SGSM2: variants seen among roughly 807,000 people sequenced by gnomAD.
SGSM2 encodes RUN and TBC1 domain containing 1.
A neutral mutation model predicts 126.6 loss-of-function variants in SGSM2; 89 were observed. That is an observed-to-expected ratio of 0.70 (90% confidence interval 0.59 to 0.84). The LOEUF (loss-of-function observed/expected upper bound fraction) is 0.84, where lower values mean the gene tolerates loss of function less well. Among genes scored for constraint, SGSM2 ranks in the 40% least tolerant of loss-of-function variants. The pLI is 0.00. For synonymous variants in SGSM2, 614 were observed against 574.3 expected (o/e 1.07, Z -0.99); for missense variants, 1,404 against 1,416.6 (o/e 0.99, Z 0.14).
intron 21 of SGSM2, 89 bp from the exon 22 acceptor site, chr17:2,377,768 C>A: frequency 1.2e-6 from 1 of 825,940 alleles, no homozygotes; most frequent in Non-Finnish European, 2.1e-6. Flanking sequence ...GGATCGCCTG[C>A]ATCCCTGGGC....
intron 17 of SGSM2, among the ~76,000 whole-genome samples, chr17:2,374,750 T>A (rs2066047630): frequency 6.6e-6 from 1 of 152,236 alleles, no homozygotes; most frequent in Non-Finnish European, 1.5e-5. Context: ...CAGCAGTAGC[T>A]CCTCGCTGGC....
Position 2,379,429 on chromosome 17 carries a change from C to T in SGSM2, c.3068-3C>T, listed in dbSNP as rs1321084686. The T allele has an allele frequency of 3.1e-6, 5 of 1,612,002 alleles. No homozygotes were observed. The South Asian group carries it at 4.4e-5, about 14-fold the overall frequency. On this transcript the variant is annotated splice_region_variant and splice_polypyrimidine_tract_variant and intron_variant, in intron 23 of 23. Coordinates refer to ENST00000268989, the MANE Select transcript of SGSM2 (RefSeq NM_014853.3). ...CTCTACAGCTCTTCACGTTTCCCCC[C>T]AGAACGTGCTGAGCATCACGATGCC...
At chr17:2,368,208 G>A (rs1172549186) in intron 12 of SGSM2, among the ~76,000 whole-genome samples, 1 of 152,154 alleles carries the variant, frequency 6.6e-6, no homozygotes, top group Non-Finnish European at 1.5e-5. Context: ...ATAGCGTAGT[G>A]CCCTCAGCCT....
chr17:2,368,940 T>A (rs2065726252), intron 12 of SGSM2, among the ~76,000 whole-genome samples: 1 of 152,150 alleles, frequency 6.6e-6, no homozygotes, highest in Non-Finnish European at 1.5e-5. Context: ...AAAAAGCCTA[T>A]CCCTGACTAG....
intron 22 of SGSM2, 115 bp from the exon 23 acceptor site, chr17:2,378,909 TCAGCCCCAGCCC>T: frequency 8.6e-7 from 1 of 1,157,080 alleles, no homozygotes; most frequent in Non-Finnish European, 1.2e-6. Flanking sequence ...CCGGCCAGCA[TCAGCCCCAGCCC>T]CAGCCTCAGC....
Position 2,376,730 on chromosome 17 carries a change from C to G in SGSM2, c.2610-3C>G. ...CCACAGTGACTCTCCCCCTGCCTTT[C>G]AGCTACGTGTGGGAGCACCTGGACG... On this transcript the variant is annotated splice_polypyrimidine_tract_variant and splice_region_variant and intron_variant, in intron 19 of 23. Coordinates refer to ENST00000268989, the MANE Select transcript of SGSM2 (RefSeq NM_014853.3). 6.2e-7 allele frequency: 1 copy of G among 1,613,954 alleles called. No individual in the cohort carries two copies. The highest frequency in any genetic ancestry group is 8.5e-7 in the Non-Finnish European group (1 of 1,180,002).
rs142116147 is a variant in SGSM2 at position 2,373,460 on chromosome 17, A to G, written c.2047A>G (p.Ile683Val). The change falls in exon 17 of 24, where the codon ATC (isoleucine) becomes GTC (valine). Residue 683 changes from isoleucine (I) to valine (V), a missense_variant. By Grantham distance (29) the Ile-to-Val change is conservative. Coordinates refer to ENST00000268989, the MANE Select transcript of SGSM2 (RefSeq NM_014853.3). ...TRTKFSSGSSIDSHVQRLIHR... is the reference protein window; with the variant it reads ...TRTKFSSGSSVDSHVQRLIHR... ...CACCAAGTTCTCCTCAGGCAGCAGC[A>G]TCGACAGCCACGTGCAGCGCCTCAT... 1.9e-6 allele frequency: 3 copies of G among 1,609,140 alleles called. No individual in the cohort carries two copies. The African/African-American group carries it at 4.0e-5, about 21-fold the overall frequency.
chr17:2,367,140 C>T lies in SGSM2; in HGVS notation c.1289-131C>T. 1 of 1,071,068 alleles carries T rather than the reference C, an allele frequency of 9.3e-7. No individual in the cohort carries two copies. The highest frequency in any genetic ancestry group is 1.3e-6 in the Non-Finnish European group (1 of 765,876). The allele number at this position is 1,071,068 out of a possible 1,614,324, so 66.3% of individuals were successfully genotyped here. A position where few individuals can be genotyped will look rare whatever the true frequency, so the allele number is the denominator to read the frequency against. On this transcript the variant is annotated intron_variant, in intron 11 of 23. Transcript: ENST00000268989. The surrounding 1 kb of genome is among the most constrained non-coding windows in gnomAD (Gnocchi z 4.0). Reference sequence around the variant, plus strand: ...ATCCAAAGAGCTTTCTGGTCCCCTCCCTTCCCCTCTTCTGTGCCCTGCAGA... The same window carrying T: ...ATCCAAAGAGCTTTCTGGTCCCCTCTCTTCCCCTCTTCTGTGCCCTGCAGA...
At chr17:2,371,881 G>A (rs556130342) in intron 13 of SGSM2, 11 of 448,636 alleles carry the variant, frequency 2.5e-5, no homozygotes, top group South Asian at 8.1e-5. Context: ...TTCGTCTTCC[G>A]TTTATTAATC....
intron 2 of SGSM2, among the ~76,000 whole-genome samples, chr17:2,359,247 G>A (rs1446043381): frequency 6.6e-6 from 1 of 151,844 alleles, no homozygotes; most frequent in African/African-American, 2.4e-5. Context: ...TTCTCAAGTA[G>A]TGGTGTCACT....
chr17:2,339,524 A>G (rs2064253448), intron 1 of SGSM2, among the ~76,000 whole-genome samples: 2 of 152,016 alleles, frequency 1.3e-5, no homozygotes, highest in Middle Eastern at 6.8e-3. Context: ...GGAGATCGAG[A>G]CCATCCTGGC....
intron 1 of SGSM2, among the ~76,000 whole-genome samples, chr17:2,340,852 G>A (rs2064337033): frequency 6.6e-6 from 1 of 152,188 alleles, no homozygotes; most frequent in Admixed American, 6.5e-5. Flanking sequence ...CCAAAGTGCT[G>A]GGATTATAGT....
chr17:2,375,703 G>C lies in SGSM2; in HGVS notation c.2312G>C (p.Gly771Ala). 1 of 1,612,674 alleles carries C rather than the reference G, an allele frequency of 6.2e-7. No homozygotes were observed. The highest frequency in any genetic ancestry group is 8.5e-7 in the Non-Finnish European group (1 of 1,178,970). The change falls in exon 18 of 24, where the codon GGG (glycine) becomes GCG (alanine). Residue 771 changes from glycine to alanine, a missense_variant. Coordinates refer to ENST00000268989, the MANE Select transcript of SGSM2 (RefSeq NM_014853.3). Reference protein sequence around the residue: ...ASGIQSSLDEGQSVGFEEEDG... With the variant: ...ASGIQSSLDEAQSVGFEEEDG... ...GGCATCCAGTCAAGCCTAGATGAGG[G>C]GCAGAGCGTGGGCTTCGAAGAGGAG...
chr17:2,359,295 T>C (rs998818353), intron 2 of SGSM2, among the ~76,000 whole-genome samples: 1 of 151,984 alleles, frequency 6.6e-6, no homozygotes, highest in Non-Finnish European at 1.5e-5. Flanking sequence ...CGATAACATA[T>C]TCATCACACG....
rs2065972030 is a variant in SGSM2 at position 2,373,369 on chromosome 17, G to A, written c.1956G>A (p.Leu652=). 1 of 1,613,118 alleles carries A rather than the reference G, an allele frequency of 6.2e-7. No homozygotes were observed. The highest frequency in any genetic ancestry group is 8.5e-7 in the Non-Finnish European group (1 of 1,179,982). Reference sequence around the variant, plus strand: ...TGGCAGCAAGGTACCAGCAGGTGTTGGCAGAGTGGAAGGCCTGCGAGGTGG... The same window carrying A: ...TGGCAGCAAGGTACCAGCAGGTGTTAGCAGAGTGGAAGGCCTGCGAGGTGG... ...AVVAARYQQV[L]AEWKACEVVV... Residue 652 remains leucine (L), a synonymous_variant, in exon 17 of 24, where the codon TTG becomes TTA. Coordinates refer to ENST00000268989, the MANE Select transcript of SGSM2 (RefSeq NM_014853.3).
intron 2 of SGSM2, among the ~76,000 whole-genome samples, chr17:2,349,277 G>A (rs8080308): frequency 0.4 from 61,290 of 151,608 alleles, 12,569 homozygotes; most frequent in Admixed American, 0.5. Flanking sequence ...TTGGGAGGCT[G>A]AGGCAGGAGA....
chr17:2,376,388 T>C (rs2066155493), intron 19 of SGSM2, 127 bp downstream of exon 19: 3 of 1,283,206 alleles, frequency 2.3e-6, no homozygotes, highest in African/African-American at 2.9e-5. Flanking sequence ...TCCCCCTGCC[T>C]GGAACGCTTT....
chr17:2,371,286 A>C lies in SGSM2; in HGVS notation c.1448A>C (p.Gln483Pro). 6.2e-7 allele frequency: 1 copy of C among 1,612,134 alleles called. No individual in the cohort carries two copies. Among genetic ancestry groups the C allele is most frequent in the Non-Finnish European group, 8.5e-7 (1 of 1,179,810 alleles). ...MKDAGDMIEM[Q>P]GFGPSLPAWH... Reference sequence around the variant, plus strand: ...GACGCTGGTGACATGATCGAGATGCAGGGCTTTGGGCCCAGCCTGCCAGCC... The same window carrying C: ...GACGCTGGTGACATGATCGAGATGCCGGGCTTTGGGCCCAGCCTGCCAGCC... The change falls in exon 13 of 24, where the codon CAG (glutamine) becomes CCG (proline). Residue 483 changes from glutamine (Q) to proline (P), a missense_variant. By Grantham distance (76) the Gln-to-Pro change is moderately conservative. Coordinates refer to ENST00000268989, the MANE Select transcript of SGSM2 (RefSeq NM_014853.3).
chr17:2,376,959 A>C lies in SGSM2; in HGVS notation c.2693A>C (p.Asp898Ala). ...CAGCTTCACTCCTGTCTCCCCTCAG[A>C]TCAGCTGGCCTACAGCTGCTTCAGC... ...LAPLLVTLDNDQLAYSCFSHL... is the reference protein window; with the variant it reads ...LAPLLVTLDNAQLAYSCFSHL... The change falls in exon 21 of 24, where the codon GAT (aspartate) becomes GCT (alanine). Residue 898 changes from aspartate to alanine, a missense_variant and splice_region_variant. Physicochemically the swap from Asp to Ala is moderately radical, Grantham distance 126. Coordinates refer to ENST00000268989, the MANE Select transcript of SGSM2 (RefSeq NM_014853.3). The C allele has an allele frequency of 2.5e-6, 4 of 1,612,820 alleles. No individual in the cohort carries two copies. Among genetic ancestry groups the C allele is most frequent in the Non-Finnish European group, 3.4e-6 (4 of 1,179,186 alleles).
Sources: gnomAD v4.1 joint callset for allele counts (sites outside exome capture counted in the v4.1 genomes callset) on GRCh38, gnomAD v4.1.1 for gene constraint, Gnocchi (gnomAD v3.1) non-coding constraint, MANE v1.5 for transcripts, NCBI Gene and HGNC (gene_info 2026-07-23, HGNC 2026-07-21) for gene names.